INPP4B: variants seen among roughly 807,000 people sequenced by gnomAD.
The protein encoded by INPP4B is inositol polyphosphate-4-phosphatase type II B.
A neutral mutation model predicts 122.5 loss-of-function variants in INPP4B; 55 were observed. The observed-to-expected ratio is 0.45, with a 90% CI of 0.36 to 0.56. The LOEUF (loss-of-function observed/expected upper bound fraction) is 0.56. Ranked by LOEUF, INPP4B falls within the 20% of genes least tolerant of loss-of-function variation. The probability of loss-of-function intolerance (pLI) is 0.00; values close to 1 mark genes in which losing one functional copy is unlikely to be tolerated. For synonymous variants in INPP4B, 403 were observed against 388.7 expected (o/e 1.04, Z -0.43); for missense variants, 1,000 against 1,097.7 (o/e 0.91, Z 1.26).
chr4:142,751,448 T>C (rs1769704019), intron 1 of INPP4B, among the ~76,000 whole-genome samples: 1 of 151,770 alleles, frequency 6.6e-6, no homozygotes, highest in Admixed American at 6.6e-5. Context: ...TGTATTTTTC[T>C]GTAAGATATA....
intron 2 of INPP4B, among the ~76,000 whole-genome samples, chr4:142,682,215 C>T (rs1758720853): frequency 6.6e-6 from 1 of 151,802 alleles, no homozygotes; most frequent in Non-Finnish European, 1.5e-5. Flanking sequence ...ACACTTTTCC[C>T]CTCCAGAGAG....
chr4:142,642,412 A>T (rs1023757995), intron 2 of INPP4B, among the ~76,000 whole-genome samples: 3 of 152,174 alleles, frequency 2.0e-5, no homozygotes, highest in African/African-American at 7.2e-5. Flanking sequence ...TCCAACATTT[A>T]AGCCTTTAAT....
chr4:142,085,888 C>A (rs1454015592), intron 24 of INPP4B, among the ~76,000 whole-genome samples: 1 of 152,190 alleles, frequency 6.6e-6, no homozygotes, highest in Non-Finnish European at 1.5e-5. Flanking sequence ...GACACTTCCT[C>A]AGAGTGGAGA....
chr4:142,546,363 G>T (rs895355716), intron 2 of INPP4B, among the ~76,000 whole-genome samples: 1 of 152,022 alleles, frequency 6.6e-6, no homozygotes, highest in African/African-American at 2.4e-5. Flanking sequence ...ATTATTTCAT[G>T]TCTTTGTTAT....
intron 9 of INPP4B, among the ~76,000 whole-genome samples, chr4:142,299,883 A>G (rs903868901): frequency 9.9e-5 from 15 of 152,088 alleles, no homozygotes; most frequent in Non-Finnish European, 1.8e-4. Context: ...GGGCTTGGAT[A>G]TGATTTTTTA....
At chr4:142,736,784 C>T (rs1391711270) in intron 1 of INPP4B, among the ~76,000 whole-genome samples, 4 of 152,120 alleles carry the variant, frequency 2.6e-5, no homozygotes, top group Non-Finnish European at 5.9e-5. Flanking sequence ...ATTGAATGCC[C>T]TTTATTTCTT....
intron 25 of INPP4B, among the ~76,000 whole-genome samples, chr4:142,053,476 T>C (rs1014174789): frequency 6.6e-6 from 1 of 152,096 alleles, no homozygotes; most frequent in Non-Finnish European, 1.5e-5. Context: ...CTGGTGATAT[T>C]GGTACTAGTA....
chr4:142,558,779 A>T, intron 2 of INPP4B, among the ~76,000 whole-genome samples: 1 of 129,232 alleles, frequency 7.7e-6, no homozygotes. Flanking sequence ...TGGGCGACAG[A>T]GCAAGACTCC....
chr4:142,107,962 C>T, intron 23 of INPP4B, 131 bp downstream of exon 23: 2 of 577,068 alleles, frequency 3.5e-6, no homozygotes, highest in Non-Finnish European at 6.0e-6. Flanking sequence ...CTTTTTGGAT[C>T]AGATAATTTC....
At chr4:142,290,447 C>T (rs1755946939) in intron 9 of INPP4B, among the ~76,000 whole-genome samples, 2 of 151,906 alleles carry the variant, frequency 1.3e-5, no homozygotes, top group Non-Finnish European at 2.9e-5. Flanking sequence ...ACCTGGTGAT[C>T]GACCTGCCTC....
At chr4:142,273,591 CTATT>C (rs1051793583) in intron 9 of INPP4B, among the ~76,000 whole-genome samples, 28 of 151,992 alleles carry the variant, frequency 1.8e-4, no homozygotes, top group African/African-American at 5.5e-4. Flanking sequence ...ATAGCTCTAT[CTATT>C]CCCTTTCTTA....
intron 1 of INPP4B, among the ~76,000 whole-genome samples, chr4:142,735,363 TA>T (rs1403830217): frequency 7.2e-5 from 11 of 152,190 alleles, no homozygotes; most frequent in African/African-American, 2.4e-4. Flanking sequence ...TAAATTTAAG[TA>T]TAGTCTTAAA....
intron 7 of INPP4B, among the ~76,000 whole-genome samples, chr4:142,353,983 T>C (rs960502554): frequency 2.6e-5 from 4 of 152,002 alleles, no homozygotes; most frequent in African/African-American, 9.7e-5. Context: ...TAACTCTTGG[T>C]GGTCTAAGTC....
chr4:142,248,652 ATG>A (rs879745545), intron 11 of INPP4B, among the ~76,000 whole-genome samples: 43 of 127,356 alleles, frequency 3.4e-4, no homozygotes, highest in Admixed American at 6.4e-4. Flanking sequence ...GTGTGTGTGT[ATG>A]TGTGTGTGTG....
At chr4:142,440,109 A>T (rs1302987872) in intron 3 of INPP4B, among the ~76,000 whole-genome samples, 1 of 152,216 alleles carries the variant, frequency 6.6e-6, no homozygotes, top group Non-Finnish European at 1.5e-5. Context: ...CACTAGATAA[A>T]TCTATTCATC....
intron 2 of INPP4B, among the ~76,000 whole-genome samples, chr4:142,558,793 TAAAAAAAAAA>T (rs34151070): frequency 7.7e-4 from 58 of 75,546 alleles, no homozygotes; most frequent in East Asian, 2.3e-3. Flanking sequence ...AGACTCCCTC[TAAAAAAAAAA>T]AAAAAAAAAA....
At chr4:142,741,432 T>A (rs1433636230) in intron 1 of INPP4B, among the ~76,000 whole-genome samples, 1 of 151,900 alleles carries the variant, frequency 6.6e-6, no homozygotes, top group Non-Finnish European at 1.5e-5. Flanking sequence ...ATTCATGAGA[T>A]ATCTGCCCCC....
chr4:142,721,820 TA>T (rs904315197), intron 2 of INPP4B, among the ~76,000 whole-genome samples: 1 of 150,948 alleles, frequency 6.6e-6, no homozygotes, highest in African/African-American at 2.4e-5. Context: ...GACTCCGTCT[TA>T]AAAAAAAAGA....
chr4:142,674,141 A>G (rs1029501005), intron 2 of INPP4B, among the ~76,000 whole-genome samples: 1 of 152,058 alleles, frequency 6.6e-6, no homozygotes, highest in African/African-American at 2.4e-5. Context: ...GGCTCTCCCT[A>G]TGGGTCGTCT....
Sources: allele counts gnomAD v4.1 joint callset (sites outside exome capture counted in the v4.1 genomes callset), GRCh38; gene constraint gnomAD v4.1.1; transcripts MANE v1.5; gene names NCBI Gene and HGNC (gene_info 2026-07-23, HGNC 2026-07-21).